Variants in KCNIP1 observed in about 807,000 individuals in gnomAD.
KCNIP1 encodes potassium voltage-gated channel interacting protein 1.
In KCNIP1, 18 loss-of-function variants were observed where a neutral mutation model predicts 33.0. The observed-to-expected ratio is 0.55, with a 90% CI of 0.38 to 0.81. The LOEUF is 0.81. Ranked by LOEUF, KCNIP1 falls within the 30% of genes least tolerant of loss-of-function variation. KCNIP1 has a pLI of 0.00. For synonymous variants in KCNIP1, 93 were observed against 98.3 expected (o/e 0.95, Z 0.32); for missense variants, 238 against 271.6 (o/e 0.88, Z 0.87).
chr5:170,429,059 G>A (rs1186950694), intron 1 of KCNIP1, among the ~76,000 whole-genome samples: 1 of 152,026 alleles, frequency 6.6e-6, no homozygotes, highest in Non-Finnish European at 1.5e-5. Context: ...CCACTGCACT[G>A]CAGCCTGGGC....
intron 1 of KCNIP1, among the ~76,000 whole-genome samples, chr5:170,520,235 T>C (rs1755312051): frequency 6.6e-6 from 1 of 152,206 alleles, no homozygotes; most frequent in Non-Finnish European, 1.5e-5. Flanking sequence ...GTCTCAGTTT[T>C]AGAGACAAGA....
At chr5:170,406,670 A>T (rs1376517400) in intron 1 of KCNIP1, among the ~76,000 whole-genome samples, 2 of 152,082 alleles carry the variant, frequency 1.3e-5, no homozygotes. Flanking sequence ...CCACATCAGC[A>T]TCCCTCTCTT....
intron 1 of KCNIP1, among the ~76,000 whole-genome samples, chr5:170,367,422 G>GA (rs1412618202): frequency 8.1e-5 from 4 of 49,194 alleles, no homozygotes; most frequent in South Asian, 5.2e-4. Flanking sequence ...AGAAAGAAAG[G>GA]AAAGAAAGAA....
intron 5 of KCNIP1, among the ~76,000 whole-genome samples, chr5:170,724,566 A>G (rs1471500585): frequency 6.6e-6 from 1 of 152,226 alleles, no homozygotes; most frequent in Non-Finnish European, 1.5e-5. Context: ...TTATTTGTAC[A>G]TGGTATAATT....
At chr5:170,517,701 A>G (rs553576135) in intron 1 of KCNIP1, among the ~76,000 whole-genome samples, 1 of 151,240 alleles carries the variant, frequency 6.6e-6, no homozygotes, top group South Asian at 2.1e-4. Context: ...GATGATGGTG[A>G]TGGTGATGGT....
intron 1 of KCNIP1, among the ~76,000 whole-genome samples, chr5:170,477,571 T>C (rs1756885210): frequency 6.6e-6 from 1 of 152,130 alleles, no homozygotes; most frequent in Admixed American, 6.5e-5. Flanking sequence ...GCCTCCCAAG[T>C]AGCTGGGATT....
chr5:170,553,284 T>C (rs370943174), intron 1 of KCNIP1, among the ~76,000 whole-genome samples: 14 of 152,246 alleles, frequency 9.2e-5, no homozygotes, highest in African/African-American at 3.4e-4. Context: ...TTCCTGGTTC[T>C]TGTTTATTTA....
At chr5:170,705,972 G>A (rs1444812063) in intron 1 of KCNIP1, among the ~76,000 whole-genome samples, 12 of 152,134 alleles carry the variant, frequency 7.9e-5, no homozygotes, top group Admixed American at 7.9e-4. Flanking sequence ...TGCAAGGTGG[G>A]TATGATTCTA....
At chr5:170,517,611 A>ATGATAATAGTAATGATGG (rs1755179402) in intron 1 of KCNIP1, among the ~76,000 whole-genome samples, 5 of 151,442 alleles carry the variant, frequency 3.3e-5, no homozygotes, top group African/African-American at 1.2e-4. Context: ...GGTGATGATG[A>ATGATAATAGTAATGATGG]TGATAATAGT....
At chr5:170,485,419 G>A (rs943900398) in intron 1 of KCNIP1, among the ~76,000 whole-genome samples, 6 of 152,214 alleles carry the variant, frequency 3.9e-5, no homozygotes, top group Non-Finnish European at 7.3e-5. Flanking sequence ...CCAGCTCTGG[G>A]CCCAGGGTGT....
intron 1 of KCNIP1, among the ~76,000 whole-genome samples, chr5:170,477,655 G>C (rs139834564): frequency 3.2e-4 from 49 of 152,236 alleles, no homozygotes; most frequent in African/African-American, 1.2e-3. Context: ...TGTGGGCCAG[G>C]CTGGTCTTGA....
intron 1 of KCNIP1, among the ~76,000 whole-genome samples, chr5:170,670,831 G>A (rs994372865): frequency 1.2e-4 from 18 of 151,922 alleles, no homozygotes; most frequent in Admixed American, 8.5e-4. Flanking sequence ...GGGAGGTGGA[G>A]GTTGCAGTGA....
At chr5:170,733,967 A>T in intron 7 of KCNIP1, 69 bp downstream of exon 7, 1 of 1,326,998 alleles carries the variant, frequency 7.5e-7, no homozygotes, top group Non-Finnish European at 1.1e-6. Context: ...GGGGACCTGC[A>T]GAAGGAAGGT....
At chr5:170,589,794 T>TGCGGTGTGGTGCGGTGCG (rs1554103000) in intron 1 of KCNIP1, among the ~76,000 whole-genome samples, 6 of 113,164 alleles carry the variant, frequency 5.3e-5, no homozygotes, top group Non-Finnish European at 1.2e-4. Context: ...TGTGATGTGG[T>TGCGGTGTGGTGCGGTGCG]GTGCGGTGCG....
chr5:170,405,280 C>T (rs1210306092), intron 1 of KCNIP1, among the ~76,000 whole-genome samples: 3 of 152,132 alleles, frequency 2.0e-5, no homozygotes, highest in South Asian at 2.1e-4. Flanking sequence ...CTGTAACCTC[C>T]GCCTCCAGGT....
At chr5:170,633,107 AGGGTCACGCCTTC>A (rs1403346207) in intron 1 of KCNIP1, among the ~76,000 whole-genome samples, 2 of 151,930 alleles carry the variant, frequency 1.3e-5, no homozygotes, top group Non-Finnish European at 1.5e-5. Flanking sequence ...GGGGGTTGCG[AGGGTCACGCCTTC>A]CCCAGGCATT....
intron 1 of KCNIP1, among the ~76,000 whole-genome samples, chr5:170,524,394 A>T (rs907447865): frequency 6.6e-6 from 1 of 152,020 alleles, no homozygotes; most frequent in Middle Eastern, 3.4e-3. Context: ...AATGTTCTGG[A>T]CTCTGGAGCT....
At chr5:170,378,468 A>T (rs915980360) in intron 1 of KCNIP1, 38 of 539,914 alleles carry the variant, frequency 7.0e-5, no homozygotes, top group Non-Finnish European at 1.2e-4. Context: ...AGAGAGCTAG[A>T]ACTGGCTGGC....
chr5:170,421,768 TG>T (rs1429718237), intron 1 of KCNIP1, among the ~76,000 whole-genome samples: 26 of 152,228 alleles, frequency 1.7e-4, no homozygotes, highest in African/African-American at 5.8e-4. Flanking sequence ...TCTGCCAAGT[TG>T]TGTCTTCCTC....
Sources: gnomAD v4.1 joint callset for allele counts (sites outside exome capture counted in the v4.1 genomes callset) on GRCh38, gnomAD v4.1.1 for gene constraint, MANE v1.5 for transcripts, NCBI Gene and HGNC (gene_info 2026-07-23, HGNC 2026-07-21) for gene names.